Variants in TMEM132B observed in about 807,000 individuals in gnomAD.
The protein encoded by TMEM132B is transmembrane protein 132B.
A neutral mutation model predicts 90.8 loss-of-function variants in TMEM132B; 18 were observed. That is an observed-to-expected ratio of 0.20 (90% CI 0.14 to 0.29). The LOEUF (loss-of-function observed/expected upper bound fraction) is 0.29, where lower values mean the gene tolerates loss of function less well. TMEM132B is among the 10% of genes least tolerant of loss of function. TMEM132B has a pLI of 1.00. For missense variants in TMEM132B, 1,096 were observed against 1,326.8 expected, an observed-to-expected ratio of 0.83 and a Z score of 2.70; for synonymous variants, 504 against 523.3, an observed-to-expected ratio of 0.96 and a Z score of 0.50.
chr12:125,299,509 G>A (rs1183887089), intron 1 of TMEM132B, among the ~76,000 whole-genome samples: 3 of 152,156 alleles, frequency 2.0e-5, no homozygotes, highest in African/African-American at 7.2e-5. Flanking sequence ...TGGGCTGATG[G>A]CGCCTGCTTC....
Position 125,524,270 on chromosome 12 carries a change from G to C in TMEM132B, c.1293+4645G>C, listed in dbSNP as rs113758512. ...CAAATATAAAAGTCATGTATGTAAAGGGAAAATGTCCCAGATAGGGCACTG... is the reference window on the plus strand; with the variant it reads ...CAAATATAAAAGTCATGTATGTAAACGGAAAATGTCCCAGATAGGGCACTG... On this transcript the variant is annotated intron_variant, in intron 4 of 8. Coordinates refer to ENST00000682704, the MANE Select transcript of TMEM132B (RefSeq NM_001366854.1). Among the ~76,000 whole-genome samples, 677 of 152,348 alleles carry C rather than the reference G, an allele frequency of 4.4e-3. 4 individuals are homozygous for C. The highest frequency in any genetic ancestry group is 0.016 in the African/African-American group (656 of 41,578).
intron 1 of TMEM132B, among the ~76,000 whole-genome samples, chr12:125,265,032 T>C (rs1565986995): frequency 1.3e-5 from 2 of 152,208 alleles, no homozygotes; most frequent in Non-Finnish European, 2.9e-5. Context: ...GCTACACACC[T>C]AGGCTATTAA....
chr12:125,227,892 G>C (rs531410502), intron 1 of TMEM132B, among the ~76,000 whole-genome samples: 1 of 152,240 alleles, frequency 6.6e-6, no homozygotes, highest in African/African-American at 2.4e-5. Flanking sequence ...CTGTGTCCCA[G>C]TGTTGCCCAG....
At chr12:125,616,638 G>A (rs1037610111) in intron 5 of TMEM132B, among the ~76,000 whole-genome samples, 13 of 152,130 alleles carry the variant, frequency 8.5e-5, no homozygotes, top group African/African-American at 2.2e-4. Context: ...TTGAACAGCC[G>A]TCTAAAAATA....
chr12:125,436,129 A>G (rs1378440648), intron 3 of TMEM132B, among the ~76,000 whole-genome samples: 1 of 152,154 alleles, frequency 6.6e-6, no homozygotes, highest in Non-Finnish European at 1.5e-5. Context: ...TCCAGTGGAA[A>G]GTAGAAAGGG....
chr12:125,516,072 C>G (rs1883149314), intron 3 of TMEM132B, among the ~76,000 whole-genome samples: 1 of 151,934 alleles, frequency 6.6e-6, no homozygotes, highest in Admixed American at 6.6e-5. Context: ...TACTCACACA[C>G]ACTCTCACGC....
intron 1 of TMEM132B, among the ~76,000 whole-genome samples, chr12:125,233,109 G>T (rs1873861593): frequency 6.6e-6 from 1 of 152,180 alleles, no homozygotes; most frequent in African/African-American, 2.4e-5. Flanking sequence ...CTTGGCAAAA[G>T]GGACTTATCC....
At chr12:125,261,225 T>G (rs1874561112) in intron 1 of TMEM132B, among the ~76,000 whole-genome samples, 1 of 152,216 alleles carries the variant, frequency 6.6e-6, no homozygotes, top group African/African-American at 2.4e-5. Flanking sequence ...TTTTTCTTTC[T>G]TTTCCTGCAA....
chr12:125,576,386 A>G (rs1884941756), intron 4 of TMEM132B, among the ~76,000 whole-genome samples: 1 of 151,950 alleles, frequency 6.6e-6, no homozygotes, highest in Non-Finnish European at 1.5e-5. Context: ...GGAATTTTCT[A>G]GGTATGGGAT....
At chr12:125,596,848 T>G (rs1007143699) in intron 5 of TMEM132B, among the ~76,000 whole-genome samples, 2 of 152,220 alleles carry the variant, frequency 1.3e-5, no homozygotes, top group Admixed American at 1.3e-4. Context: ...TGAGTTACAG[T>G]CTGACTTCTT....
rs1395221600 is a variant in TMEM132B, at chr12:125,657,529, C to A, written c.*2819C>A. ...AGATCATAAACCATGGGTTATAGCA[C>A]CTTGTTTTCCAGCTAGTCAATATAC... On this transcript the variant is annotated 3_prime_UTR_variant, in exon 9 of 9. Coordinates refer to ENST00000682704, the MANE Select transcript of TMEM132B (RefSeq NM_001366854.1). 1.3e-5 allele frequency: 2 copies of A among 152,130 alleles called. No individual in the cohort carries two copies. Among genetic ancestry groups the A allele is most frequent in the Admixed American group, 1.3e-4 (2 of 15,288 alleles). 9.4% of individuals were successfully genotyped at this position (152,130 alleles called of 1,614,324 possible).
intron 1 of TMEM132B, among the ~76,000 whole-genome samples, chr12:125,280,753 C>G (rs1875143176): frequency 6.6e-6 from 1 of 152,252 alleles, no homozygotes; most frequent in South Asian, 2.1e-4. Context: ...GCAGATAGTA[C>G]AACTCTTCGG....
At chr12:125,471,402 G>T (rs1881716256) in intron 3 of TMEM132B, among the ~76,000 whole-genome samples, 1 of 152,198 alleles carries the variant, frequency 6.6e-6, no homozygotes, top group African/African-American at 2.4e-5. Context: ...AGCCACACCA[G>T]TTCAGGGCCA....
At chr12:125,195,394 G>GTTTTTT (rs36005995) in intron 1 of TMEM132B, among the ~76,000 whole-genome samples, 4 of 89,910 alleles carry the variant, frequency 4.4e-5, no homozygotes, top group Non-Finnish European at 6.2e-5. Flanking sequence ...GGGTTTGCGG[G>GTTTTTT]TTTTTTTTTT....
intron 2 of TMEM132B, among the ~76,000 whole-genome samples, chr12:125,357,859 T>C (rs949866158): frequency 2.6e-5 from 4 of 152,202 alleles, no homozygotes; most frequent in African/African-American, 9.6e-5. Flanking sequence ...CTGGCTGGTG[T>C]TGACTGTCTT....
intron 4 of TMEM132B, among the ~76,000 whole-genome samples, chr12:125,571,861 G>A (rs1884804296): frequency 6.6e-6 from 1 of 152,194 alleles, no homozygotes; most frequent in Non-Finnish European, 1.5e-5. Flanking sequence ...TCAATGCAAA[G>A]TGTTATCTTG....
intron 4 of TMEM132B, among the ~76,000 whole-genome samples, chr12:125,554,946 T>C (rs1395399957): frequency 6.6e-6 from 1 of 152,224 alleles, no homozygotes; most frequent in African/African-American, 2.4e-5. Flanking sequence ...GTTTTATCAC[T>C]GGGGGACAAG....
intron 6 of TMEM132B, among the ~76,000 whole-genome samples, chr12:125,644,774 T>C (rs915231133): frequency 5.9e-5 from 9 of 152,294 alleles, no homozygotes; most frequent in Non-Finnish European, 1.0e-4. Context: ...CTTCCTTTTT[T>C]TGCCTGAATT....
chr12:125,393,750 C>T (rs1395435956), intron 2 of TMEM132B, among the ~76,000 whole-genome samples: 1 of 152,102 alleles, frequency 6.6e-6, no homozygotes, highest in Non-Finnish European at 1.5e-5. Flanking sequence ...ATGGCCCTGG[C>T]CCAAGGAGGC....
Sources: gnomAD v4.1 joint callset for allele counts (sites outside exome capture counted in the v4.1 genomes callset) on GRCh38, gnomAD v4.1.1 for gene constraint, MANE v1.5 for transcripts, NCBI Gene and HGNC (gene_info 2026-07-23, HGNC 2026-07-21) for gene names.